The following AXL variants were observed in gnomAD, a reference collection of about 807,000 sequenced individuals.
The protein encoded by AXL is AXL receptor tyrosine kinase.
AXL carries 52 observed loss-of-function variants against 104.5 expected under a neutral mutation model. That is an observed-to-expected ratio of 0.50 (90% CI 0.40 to 0.63). The LOEUF is 0.63. Ranked by LOEUF, AXL falls within the 20% of genes least tolerant of loss-of-function variation. AXL has a pLI of 0.00. For synonymous variants in AXL, 455 were observed against 473.7 expected (o/e 0.96, Z 0.51); for missense variants, 1,024 against 1,188.5 (o/e 0.86, Z 2.04).
intron 17 of AXL, among the ~76,000 whole-genome samples, chr19:41,255,552 G>C (rs2034439770): frequency 6.6e-6 from 1 of 151,678 alleles, no homozygotes; most frequent in South Asian, 2.1e-4. Context: ...CTATCCTTCT[G>C]CCTCAGCCTC....
chr19:41,244,149 A>G lies in AXL; in HGVS notation c.1537+442A>G, dbSNP rs368727061. Among the ~76,000 whole-genome samples the G allele has an allele frequency of 1.3e-3, 205 of 152,064 alleles. 3 individuals are homozygous for G. Among genetic ancestry groups the G allele is most frequent in the African/African-American group, 4.9e-3 (205 of 41,476 alleles). On this transcript the variant is annotated intron_variant, in intron 12 of 19. Coordinates refer to ENST00000301178, the MANE Select transcript of AXL (RefSeq NM_021913.5). ...AGCCCAGGGAGGTCAAGGCTGCAGT[A>G]AGCCGTGATCACACCACTGCACTCC...
intron 1 of AXL, chr19:41,220,284 T>G: frequency 4.4e-6 from 1 of 226,564 alleles, no homozygotes; most frequent in Non-Finnish European, 8.8e-6. Context: ...CAACCCCTGA[T>G]TCTTCCCCTC....
At chr19:41,245,212 C>A (rs1024291189) in intron 12 of AXL, among the ~76,000 whole-genome samples, 1 of 152,098 alleles carries the variant, frequency 6.6e-6, no homozygotes, top group Non-Finnish European at 1.5e-5. Flanking sequence ...CCACGCCTGG[C>A]CTGAAGTCTA....
chr19:41,240,405 T>C (rs1222706136), intron 10 of AXL, among the ~76,000 whole-genome samples: 5 of 151,982 alleles, frequency 3.3e-5, no homozygotes, highest in African/African-American at 1.2e-4. Context: ...GATGGATGAA[T>C]GGATGGTTGG....
rs531708003 is a variant in AXL, at chr19:41,247,879, C to T, written c.1538-635C>T. Reference sequence around the variant, plus strand: ...CGATTACAGGCATGAGCCACTGCATCCAGCAAAAAGAAATATTTTTATTTT... The same window carrying T: ...CGATTACAGGCATGAGCCACTGCATTCAGCAAAAAGAAATATTTTTATTTT... On this transcript the variant is annotated intron_variant, in intron 12 of 19. Transcript: ENST00000301178. Among the ~76,000 whole-genome samples the T allele has an allele frequency of 2.0e-5, 3 of 150,058 alleles. No individual in the cohort carries two copies. In the East Asian group the frequency reaches 5.9e-4, roughly 29 times the overall value.
At chr19:41,233,755 A>G (rs2034034737) in intron 6 of AXL, among the ~76,000 whole-genome samples, 1 of 150,232 alleles carries the variant, frequency 6.7e-6, no homozygotes. Context: ...CCCCGGGGCT[A>G]GAAAGCCGAA....
At chr19:41,228,280 C>A (rs1327815400) in intron 4 of AXL, among the ~76,000 whole-genome samples, 1 of 152,072 alleles carries the variant, frequency 6.6e-6, no homozygotes, top group Non-Finnish European at 1.5e-5. Flanking sequence ...AGGCCGGGCA[C>A]GGTGGCTCAC....
rs376212701 is a variant in AXL, at chr19:41,230,912, G to A, written c.587-55G>A. On this transcript the variant is annotated intron_variant, in intron 4 of 19. Transcript: ENST00000301178. ...GGTAGGAGTGGCCCGGCATGGCCCC[G>A]GAGCCCTTCCTGCCCCTCTCTGATA... 281 of 1,575,898 alleles carry A rather than the reference G, an allele frequency of 1.8e-4. 5 individuals are homozygous for A. The South Asian group carries it at 2.4e-3, about 13-fold the overall frequency.
intron 4 of AXL, among the ~76,000 whole-genome samples, chr19:41,226,556 C>T (rs760159895): frequency 1.6e-4 from 25 of 152,220 alleles, no homozygotes; most frequent in Non-Finnish European, 3.1e-4. Context: ...TCCACTCCCT[C>T]CGCTGACGGA....
chr19:41,228,632 G>A lies in AXL; in HGVS notation c.587-2335G>A, dbSNP rs186071684. On this transcript the variant is annotated intron_variant, in intron 4 of 19. Transcript: ENST00000301178. ...CACATGCTCATATTTCTACACCTATGCCCAGGAATGCTCATAAGTACATAG... is the reference window on the plus strand; with the variant it reads ...CACATGCTCATATTTCTACACCTATACCCAGGAATGCTCATAAGTACATAG... Among the ~76,000 whole-genome samples, 9 of 152,270 alleles carry A rather than the reference G, an allele frequency of 5.9e-5. No homozygotes were observed. The East Asian group carries it at 1.7e-3, about 29-fold the overall frequency.
At chr19:41,250,744 G>T (rs1471997026) in intron 14 of AXL, among the ~76,000 whole-genome samples, 1 of 151,962 alleles carries the variant, frequency 6.6e-6, no homozygotes, top group African/African-American at 2.4e-5. Flanking sequence ...CCCAGCCTAC[G>T]TTTTTTGTTT....
intron 6 of AXL, among the ~76,000 whole-genome samples, chr19:41,236,947 A>AT (rs537805692): frequency 5.0e-4 from 74 of 148,176 alleles, no homozygotes; most frequent in African/African-American, 1.2e-3. Flanking sequence ...TTTGTTTGTG[A>AT]TTTTTTTTTT....
At chr19:41,229,952 T>A (rs963013875) in intron 4 of AXL, among the ~76,000 whole-genome samples, 3 of 152,092 alleles carry the variant, frequency 2.0e-5, no homozygotes, top group African/African-American at 7.2e-5. Flanking sequence ...AGTGTGTGCA[T>A]GTTTGTGTGT....
rs1423414666 is a variant in AXL, at chr19:41,239,226, G to T, written c.1197G>T (p.Val399=). 1 of 1,613,066 alleles carries T rather than the reference G, an allele frequency of 6.2e-7. No homozygotes were observed. Among genetic ancestry groups the T allele is most frequent in the African/African-American group, 1.3e-5 (1 of 74,902 alleles). Residue 399 remains valine, a synonymous_variant, in exon 9 of 20, where the codon GTG becomes GTT. Transcript: ENST00000301178. ...VTLELQGDGS[V]SNLTVCVAAY... ...TGGAGCTGCAGGGGGACGGGTCTGT[G>T]TCCAATCTGACAGTGTGTGTGGCAG...
intron 14 of AXL, among the ~76,000 whole-genome samples, chr19:41,251,739 C>CAAAA (rs1413527489): frequency 9.4e-4 from 141 of 150,564 alleles, no homozygotes; most frequent in African/African-American, 3.3e-3. Flanking sequence ...AAAACAAAAA[C>CAAAA]AAAAACAAAA....
rs777230616 is a variant in AXL, at chr19:41,237,917, C to T, written c.784-27C>T. On this transcript the variant is annotated intron_variant, in intron 6 of 19. Coordinates refer to ENST00000301178, the MANE Select transcript of AXL (RefSeq NM_021913.5). ...ATCTCGTGTGATTGCTTGGCTGTCC[C>T]GTCCTCACACCCTTGCCTCTCCTCA... 2.1e-5 allele frequency: 34 copies of T among 1,602,598 alleles called. No individual in the cohort carries two copies. In the Admixed American group the frequency reaches 2.7e-4, roughly 13 times the overall value.
chr19:41,243,575 A>G (rs769025360), intron 11 of AXL, 41 bp from the exon 12 acceptor site: 21 of 1,506,250 alleles, frequency 1.4e-5, no homozygotes, highest in Non-Finnish European at 1.9e-5. Flanking sequence ...GGGGTTCCAC[A>G]TGGTTTTTCC....
At chr19:41,220,541 TCCTGGCCGCCGGTGGGCAGGCA>T in intron 1 of AXL, 73 bp from the exon 2 acceptor site, 9 of 1,102,340 alleles carry the variant, frequency 8.2e-6, no homozygotes, top group Non-Finnish European at 1.2e-5. Context: ...CCTGGCGGGG[TCCTGGCCGCCGGTGGGCAGGCA>T]AGGACAGGGT....
At position 41,237,997 on chromosome 19, in the gene AXL, A is replaced by C. The variant is rs1032113003; in HGVS notation, c.837A>C (p.Pro279=). Residue 279 remains proline (P), a synonymous_variant, in exon 7 of 20, where the codon CCA becomes CCC. Coordinates refer to ENST00000301178, the MANE Select transcript of AXL (RefSeq NM_021913.5). The part of the protein sequence containing the change: ...MGIQAGEPDP[P]EEPLTSQASV... Reference sequence around the variant, plus strand: ...TCCAGGCGGGAGAACCAGACCCCCCAGAGGAGCCCCTCACCTCGCAAGCAT... The same window carrying C: ...TCCAGGCGGGAGAACCAGACCCCCCCGAGGAGCCCCTCACCTCGCAAGCAT... 1 of 1,613,212 alleles carries C rather than the reference A, an allele frequency of 6.2e-7. No homozygotes were observed.
Sources: allele counts gnomAD v4.1 joint callset (sites outside exome capture counted in the v4.1 genomes callset), GRCh38; gene constraint gnomAD v4.1.1; transcripts MANE v1.5; gene names NCBI Gene and HGNC (gene_info 2026-07-23, HGNC 2026-07-21).